Variants in AQP9 observed in about 807,000 individuals in gnomAD.
AQP9 encodes aquaporin 9, also known as aquaporin-9.
Under a neutral mutation model 23.8 loss-of-function variants are expected in AQP9, and 19 were observed. The ratio of observed to expected loss-of-function variants is 0.80; its 90% CI spans 0.56 to 1.17. The LOEUF is 1.17. Ranked by LOEUF, AQP9 falls within the 50% of genes most tolerant of loss-of-function variation. The pLI, the probability that AQP9 is intolerant of heterozygous loss-of-function variation, is 0.00. For missense variants in AQP9, 413 were observed against 362.0 expected, an observed-to-expected ratio of 1.14 and a Z score of -1.14; for synonymous variants, 153 against 131.5, an observed-to-expected ratio of 1.16 and a Z score of -1.12.
rs767614111 is a variant in AQP9, at chr15:58,138,583, AGAAAAGG to A, written c.24_30del (p.Gly9AlafsTer8). 3.1e-6 allele frequency: 5 copies of A among 1,613,806 alleles called. No homozygotes were observed. Among genetic ancestry groups the A allele is most frequent in the Non-Finnish European group, 4.2e-6 (5 of 1,179,772 alleles). Reference sequence around the variant, plus strand: ...GCCCCAAGATGCAGCCTGAGGGAGCAGAAAAGGGAAAAAGCTTCAAGCAGAGACTGGT... The same window carrying A: ...GCCCCAAGATGCAGCCTGAGGGAGCAGAAAAAGCTTCAAGCAGAGACTGGT... On this transcript the variant is annotated frameshift_variant, in exon 1 of 6. Coordinates refer to ENST00000219919, the MANE Select transcript of AQP9 (RefSeq NM_020980.5). LOFTEE classifies it high-confidence loss of function.
intron 1 of AQP9, among the ~76,000 whole-genome samples, chr15:58,158,824 T>TG (rs1955996938): frequency 6.6e-6 from 1 of 152,208 alleles, no homozygotes; most frequent in African/African-American, 2.4e-5. Flanking sequence ...ACAGACCTCT[T>TG]GCGGTAATTC....
At chr15:58,173,926 T>C (rs1441695364) in intron 3 of AQP9, among the ~76,000 whole-genome samples, 2 of 152,062 alleles carry the variant, frequency 1.3e-5, no homozygotes, top group African/African-American at 4.8e-5. Flanking sequence ...CCTTAATACA[T>C]TATGACTTAC....
At position 58,174,456 on chromosome 15, in the gene AQP9, T is replaced by A. The variant is rs146112767; in HGVS notation, c.377-462T>A. ...GGCAAGAATGGCCTGGGGTCAGTGCTAGCTGTGGCAGTGGCTGCAATACCC... is the reference window on the plus strand; with the variant it reads ...GGCAAGAATGGCCTGGGGTCAGTGCAAGCTGTGGCAGTGGCTGCAATACCC... On this transcript the variant is annotated intron_variant, in intron 3 of 5. Coordinates refer to ENST00000219919, the MANE Select transcript of AQP9 (RefSeq NM_020980.5). Among the ~76,000 whole-genome samples, 970 of 152,280 alleles carry A rather than the reference T, an allele frequency of 6.4e-3. 11 individuals carry two copies. The highest frequency in any genetic ancestry group is 0.022 in the African/African-American group (916 of 41,552).
chr15:58,139,077 A>G lies in AQP9; in HGVS notation c.111+401A>G, dbSNP rs1046015374. Among the ~76,000 whole-genome samples the G allele has an allele frequency of 2.0e-5, 3 of 152,228 alleles. No individual in the cohort carries two copies. The East Asian group carries it at 5.8e-4, about 29-fold the overall frequency. ...CACCTGGAATAAGCATCAATAGTCAATAAATATAGTTGGCAAAAATATACA... is the reference window on the plus strand; with the variant it reads ...CACCTGGAATAAGCATCAATAGTCAGTAAATATAGTTGGCAAAAATATACA... On this transcript the variant is annotated intron_variant, in intron 1 of 5. Coordinates refer to ENST00000219919, the MANE Select transcript of AQP9 (RefSeq NM_020980.5).
intron 2 of AQP9, 134 bp from the exon 3 acceptor site, chr15:58,172,934 T>A: frequency 2.7e-6 from 3 of 1,119,994 alleles, no homozygotes; most frequent in Non-Finnish European, 3.9e-6. Flanking sequence ...TTCACGTGCA[T>A]ACACACCCCT....
chr15:58,181,533 CAG>C (rs1339610693), intron 5 of AQP9, among the ~76,000 whole-genome samples: 2 of 152,080 alleles, frequency 1.3e-5, no homozygotes, highest in Non-Finnish European at 2.9e-5. Flanking sequence ...TTATCTCAGG[CAG>C]AGAGAACCGT....
chr15:58,154,742 T>C (rs370142539), intron 1 of AQP9, among the ~76,000 whole-genome samples: 7 of 151,882 alleles, frequency 4.6e-5, no homozygotes, highest in South Asian at 4.2e-4. Flanking sequence ...CCCACGAAAG[T>C]CCCACCAAAA....
intron 1 of AQP9, among the ~76,000 whole-genome samples, chr15:58,157,075 ATG>A (rs1898278844): frequency 6.6e-6 from 1 of 152,164 alleles, no homozygotes; most frequent in Admixed American, 6.5e-5. Context: ...TTGATTTAAA[ATG>A]TGTTGCCACA....
chr15:58,143,965 C>G (rs1443934796), intron 1 of AQP9, among the ~76,000 whole-genome samples: 1 of 152,132 alleles, frequency 6.6e-6, no homozygotes, highest in African/African-American at 2.4e-5. Context: ...GACATGAGTT[C>G]CCATTTATCA....
rs983804322 is a variant in AQP9, at chr15:58,160,548, T to C, written c.112-6125T>C. On this transcript the variant is annotated intron_variant, in intron 1 of 5. Coordinates refer to ENST00000219919, the MANE Select transcript of AQP9 (RefSeq NM_020980.5). ...TTCATCAAATATTATTATTTAAGCA[T>C]GGAATATAAAGAATTAGGGTAATCA... Among the ~76,000 whole-genome samples, 11 of 152,238 alleles carry C rather than the reference T, an allele frequency of 7.2e-5. No individual in the cohort carries two copies. In the South Asian group the frequency reaches 2.3e-3, roughly 32 times the overall value.
intron 4 of AQP9, among the ~76,000 whole-genome samples, chr15:58,175,488 C>G (rs533107211): frequency 1.3e-5 from 2 of 152,310 alleles, no homozygotes; most frequent in African/African-American, 4.8e-5. Flanking sequence ...TATTTAAACT[C>G]TCAAGGTGGC....
intron 1 of AQP9, among the ~76,000 whole-genome samples, chr15:58,160,368 A>G (rs1898349847): frequency 6.6e-6 from 1 of 151,636 alleles, no homozygotes; most frequent in African/African-American, 2.4e-5. Context: ...TTTGTTTGCT[A>G]TTGAGTTGTT....
intron 1 of AQP9, among the ~76,000 whole-genome samples, chr15:58,146,562 C>T (rs182153633): frequency 2.0e-5 from 3 of 152,022 alleles, no homozygotes; most frequent in East Asian, 1.9e-4. Context: ...TCTCGAGTTG[C>T]GGGGGAGTGA....
chr15:58,173,167 C>A lies in AQP9; in HGVS notation c.338C>A (p.Ala113Asp), dbSNP rs1278001887. ...TATGTGGGAGCCCAGTTCTTGGGAG[C>A]CTTTGTGGGGGCTGCAACCGTCTTT... Reference protein sequence around the residue: ...PFYVGAQFLGAFVGAATVFGI... With the variant: ...PFYVGAQFLGDFVGAATVFGI... The change falls in exon 3 of 6, where the codon GCC becomes GAC. Residue 113 changes from alanine (A) to aspartate (D), a missense_variant. Ala to Asp is a moderately radical substitution (Grantham distance 126). Coordinates refer to ENST00000219919, the MANE Select transcript of AQP9 (RefSeq NM_020980.5). The A allele has an allele frequency of 8.1e-6, 13 of 1,613,964 alleles. 1 individual carries two copies. In the Admixed American group the frequency reaches 1.0e-4, roughly 12 times the overall value.
chr15:58,147,779 A>G lies in AQP9; in HGVS notation c.111+9103A>G, dbSNP rs149532065. On this transcript the variant is annotated intron_variant, in intron 1 of 5. Transcript: ENST00000219919. ...GTGCATCTATGCAAGACTCCTATTT[A>G]CCCATTAAATAGAAGGTTTACATGC... 4.1e-3 allele frequency among the ~76,000 whole-genome samples: 627 copies of G among 152,320 alleles called. 1 individual carries two copies. Among genetic ancestry groups the G allele is most frequent in the African/African-American group, 0.013 (554 of 41,562 alleles).
chr15:58,157,886 G>A (rs1455033789), intron 1 of AQP9, among the ~76,000 whole-genome samples: 1 of 152,124 alleles, frequency 6.6e-6, no homozygotes, highest in Non-Finnish European at 1.5e-5. Flanking sequence ...GGAAATTGGA[G>A]CTGAAAAGGA....
intron 4 of AQP9, 83 bp downstream of exon 4, chr15:58,175,119 A>G: frequency 2.5e-6 from 3 of 1,219,006 alleles, no homozygotes; most frequent in Non-Finnish European, 2.4e-6. Context: ...TTAGAGACCA[A>G]TCAGAAAGGA....
intron 1 of AQP9, among the ~76,000 whole-genome samples, chr15:58,166,107 A>G (rs1285305421): frequency 6.6e-6 from 1 of 152,054 alleles, no homozygotes; most frequent in African/African-American, 2.4e-5. Flanking sequence ...TTATACTGGG[A>G]GCCACAAGAA....
At chr15:58,139,943 AAAATAAAAG>A (rs765446991) in intron 1 of AQP9, among the ~76,000 whole-genome samples, 47 of 152,348 alleles carry the variant, frequency 3.1e-4, no homozygotes, top group Admixed American at 7.2e-4. Context: ...ATTTCTAACT[AAAATAAAAG>A]AAATAAAAGA....
Sources: gnomAD v4.1 joint callset for allele counts (sites outside exome capture counted in the v4.1 genomes callset) on GRCh38, gnomAD v4.1.1 for gene constraint, MANE v1.5 for transcripts, NCBI Gene and HGNC (gene_info 2026-07-23, HGNC 2026-07-21) for gene names.